The following SERPINA9 variants were observed in gnomAD, a reference collection of about 807,000 sequenced individuals.
The protein encoded by SERPINA9 is serpin A9.
SERPINA9 carries 32 observed loss-of-function variants against 24.5 expected under a neutral mutation model. The observed-to-expected ratio is 1.30, with a 90% CI of 0.98 to 1.75. The LOEUF (loss-of-function observed/expected upper bound fraction) is 1.75. Among genes scored for constraint, SERPINA9 ranks in the 40% most tolerant of loss-of-function variants. The pLI is 0.00. For synonymous variants in SERPINA9, 233 were observed against 197.7 expected (o/e 1.18, Z -1.50); for missense variants, 594 against 497.1 (o/e 1.19, Z -1.85).
At position 94,465,161 on chromosome 14, in the gene SERPINA9, A is replaced by T. The variant is rs148600462; in HGVS notation, c.903-307T>A. 6.0e-4 allele frequency among the ~76,000 whole-genome samples: 92 copies of T among 152,306 alleles called. 2 individuals are homozygous for T. Among genetic ancestry groups the T allele is most frequent in the African/African-American group, 1.9e-3 (81 of 41,560 alleles). Reference sequence around the variant, plus strand: ...ACAGGAGACGTCCAGTAGCAATGGAAGCTCATCAACCACCCACTCACTGTC... The same window carrying T: ...ACAGGAGACGTCCAGTAGCAATGGATGCTCATCAACCACCCACTCACTGTC... On this transcript the variant is annotated intron_variant, in intron 3 of 4. Transcript: ENST00000674397.
intron 4 of SERPINA9, 46 bp downstream of exon 4, chr14:94,464,661 G>C (rs1898909031): frequency 6.7e-7 from 1 of 1,486,544 alleles, no homozygotes; most frequent in East Asian, 2.3e-5. Context: ...AATTCTGCAG[G>C]TGCTTCCAGC....
chr14:94,473,582 C>T (rs1899433522), intron 1 of SERPINA9, among the ~76,000 whole-genome samples: 1 of 151,394 alleles, frequency 6.6e-6, no homozygotes, highest in Non-Finnish European at 1.5e-5. Flanking sequence ...TGAAGGAGGC[C>T]TCCTGGAATA....
At chr14:94,476,039 G>A in intron 1 of SERPINA9, 97 bp downstream of exon 1, 2 of 1,571,760 alleles carry the variant, frequency 1.3e-6, no homozygotes, top group Non-Finnish European at 1.7e-6. Flanking sequence ...TGACTTCCCA[G>A]CTGCATTTGA....
intron 1 of SERPINA9, among the ~76,000 whole-genome samples, chr14:94,471,669 AC>A (rs1188407365): frequency 1.3e-5 from 2 of 151,958 alleles, no homozygotes; most frequent in Non-Finnish European, 2.9e-5. Context: ...CCATCCATCC[AC>A]CTACTGGACT....
intron 1 of SERPINA9, among the ~76,000 whole-genome samples, chr14:94,474,307 C>T (rs1428478987): frequency 6.6e-6 from 1 of 152,202 alleles, no homozygotes; most frequent in Non-Finnish European, 1.5e-5. Context: ...GGCCTCCACG[C>T]CCCAAGTCTT....
intron 1 of SERPINA9, among the ~76,000 whole-genome samples, chr14:94,475,383 C>G (rs1899544610): frequency 2.0e-5 from 3 of 152,238 alleles, no homozygotes; most frequent in African/African-American, 4.8e-5. Context: ...GCCCACCCTG[C>G]TACATGTGTG....
At chr14:94,473,667 G>A (rs1899436816) in intron 1 of SERPINA9, among the ~76,000 whole-genome samples, 1 of 152,156 alleles carries the variant, frequency 6.6e-6, no homozygotes, top group Admixed American at 6.5e-5. Flanking sequence ...CGCCGTGTAA[G>A]AGTGTGGCAT....
intron 3 of SERPINA9, among the ~76,000 whole-genome samples, chr14:94,466,738 T>A (rs1191741066): frequency 6.6e-6 from 1 of 152,250 alleles, no homozygotes; most frequent in Non-Finnish European, 1.5e-5. Context: ...GTTATCCTCT[T>A]TCTTATATGT....
chr14:94,469,776 G>A lies in SERPINA9; in HGVS notation c.65C>T (p.Ser22Phe). ...VGLCAPIYCV[S>F]PANAPSAYPR... ...GTATGCACTGGGGGCATTGGCCGGG[G>A]ACACACAGTAGATTGGAGCACAGAG... The change falls in exon 2 of 5, where the codon TCC becomes TTC. Residue 22 changes from serine (S) to phenylalanine (F), a missense_variant. Transcript: ENST00000674397. The A allele has an allele frequency of 1.3e-6, 2 of 1,547,300 alleles. No individual in the cohort carries two copies. The highest frequency in any genetic ancestry group is 2.5e-5 in the South Asian group (2 of 80,620).
chr14:94,474,735 A>G (rs1046650291), intron 1 of SERPINA9, among the ~76,000 whole-genome samples: 5 of 151,774 alleles, frequency 3.3e-5, no homozygotes, highest in African/African-American at 1.2e-4. Flanking sequence ...GGTGACAGGG[A>G]CACTCTGCCG....
intron 4 of SERPINA9, chr14:94,464,372 G>A (rs761689589): frequency 5.2e-6 from 2 of 384,172 alleles, no homozygotes; most frequent in Admixed American, 4.3e-5. Flanking sequence ...TGACCTATGG[G>A]CAGCCACACT....
chr14:94,467,300 G>T lies in SERPINA9; in HGVS notation c.711C>A (p.Val237=), dbSNP rs1332429263. The T allele has an allele frequency of 6.2e-7, 1 of 1,614,072 alleles. No individual in the cohort carries two copies. The highest frequency in any genetic ancestry group is 8.5e-7 in the Non-Finnish European group (1 of 1,179,906). The change falls in exon 3 of 5, where the codon GTC becomes GTA. Residue 237 remains valine (V), a synonymous_variant. Coordinates refer to ENST00000674397, the MANE Select transcript of SERPINA9 (RefSeq NM_175739.4). ...ACTGCTCTTTCTGGTGCATCATGGG[G>T]ACATGCACAGTGACCTGCTCGCCCA... The part of the protein sequence containing the change: ...FLVGEQVTVH[V]PMMHQKEQFA...
rs1899198612 is a variant in SERPINA9 at position 94,469,566 on chromosome 14, G to A, written c.275C>T (p.Thr92Ile). The change falls in exon 2 of 5, where the codon ACC becomes ATC. Residue 92 changes from threonine (T) to isoleucine (I), a missense_variant. Thr to Ile is a moderately conservative substitution (Grantham distance 89, BLOSUM62 -1). Transcript: ENST00000674397. ...LSLGAHSVTK[T>I]QILQGLGFNL... ...GAAGCCCAGGCCCTGGAGAATCTGGGTCTTGGTGACTGAGTGGGCCCCAAG... is the reference window on the plus strand; with the variant it reads ...GAAGCCCAGGCCCTGGAGAATCTGGATCTTGGTGACTGAGTGGGCCCCAAG... 3 of 1,614,182 alleles carry A rather than the reference G, an allele frequency of 1.9e-6. No homozygotes were observed. The highest frequency in any genetic ancestry group is 2.5e-6 in the Non-Finnish European group (3 of 1,180,034).
rs368721380 is a variant in SERPINA9 at position 94,476,108 on chromosome 14, G to A, written c.-18+28C>T. 5.8e-5 allele frequency: 93 copies of A among 1,613,910 alleles called. No individual in the cohort carries two copies. The African/African-American group carries it at 7.6e-4, about 13-fold the overall frequency. ...TCTGGCTCAGTGACACCACATTCCC[G>A]ATCTCTCTGCACCTCCTCCTTACCC... On this transcript the variant is annotated intron_variant, in intron 1 of 4. Coordinates refer to ENST00000674397, the MANE Select transcript of SERPINA9 (RefSeq NM_175739.4).
intron 1 of SERPINA9, 92 bp downstream of exon 1, chr14:94,476,044 A>T (rs920845856): frequency 2.5e-6 from 4 of 1,586,220 alleles, no homozygotes; most frequent in Non-Finnish European, 3.5e-6. Context: ...TCCCAGCTGC[A>T]TTTGACACTG....
chr14:94,475,518 A>G (rs2139828642), intron 1 of SERPINA9, among the ~76,000 whole-genome samples: 1 of 152,144 alleles, frequency 6.6e-6, no homozygotes, highest in East Asian at 1.9e-4. Flanking sequence ...TATGAAAAGG[A>G]ATTGTCTCAA....
In SERPINA9 at chr14:94,467,306, C is replaced by A; in HGVS notation, c.705G>T (p.Val235=). Residue 235 remains valine, a synonymous_variant, in exon 3 of 5, where the codon GTG becomes GTT. Coordinates refer to ENST00000674397, the MANE Select transcript of SERPINA9 (RefSeq NM_175739.4). ...CTTTCTGGTGCATCATGGGGACATG[C>A]ACAGTGACCTGCTCGCCCACCAGGA... The part of the protein sequence containing the change: ...FPFLVGEQVT[V]HVPMMHQKEQ... 1 of 1,614,084 alleles carries A rather than the reference C, an allele frequency of 6.2e-7. No individual in the cohort carries two copies. The highest frequency in any genetic ancestry group is 1.1e-5 in the South Asian group (1 of 91,066).
At position 94,469,568 on chromosome 14, in the gene SERPINA9, C is replaced by T. The variant is rs201925577; in HGVS notation, c.273G>A (p.Lys91=). 10 of 1,614,100 alleles carry T rather than the reference C, an allele frequency of 6.2e-6. No individual in the cohort carries two copies. The highest frequency in any genetic ancestry group is 8.5e-6 in the Non-Finnish European group (10 of 1,180,010). Reference sequence around the variant, plus strand: ...AGCCCAGGCCCTGGAGAATCTGGGTCTTGGTGACTGAGTGGGCCCCAAGGG... The same window carrying T: ...AGCCCAGGCCCTGGAGAATCTGGGTTTTGGTGACTGAGTGGGCCCCAAGGG... ...MLSLGAHSVT[K]TQILQGLGFN... The change falls in exon 2 of 5, where the codon AAG becomes AAA. Residue 91 remains lysine, a synonymous_variant. Coordinates refer to ENST00000674397, the MANE Select transcript of SERPINA9 (RefSeq NM_175739.4).
intron 1 of SERPINA9, among the ~76,000 whole-genome samples, chr14:94,470,563 G>A (rs1179349863): frequency 6.6e-6 from 1 of 152,168 alleles, no homozygotes; most frequent in African/African-American, 2.4e-5. Context: ...CCCCAACAGG[G>A]CTGGGCTTGA....
Sources: gnomAD v4.1 joint callset for allele counts (sites outside exome capture counted in the v4.1 genomes callset) on GRCh38, gnomAD v4.1.1 for gene constraint, MANE v1.5 for transcripts, NCBI Gene and HGNC (gene_info 2026-07-23, HGNC 2026-07-21) for gene names.